Variants in USP12 observed in about 807,000 individuals in gnomAD.
USP12 encodes ubiquitin specific peptidase 12.
Under a neutral mutation model 45.5 loss-of-function variants are expected in USP12, and 19 were observed. The ratio of observed to expected loss-of-function variants is 0.42; its 90% CI spans 0.29 to 0.61. USP12 has a LOEUF of 0.61. Ranked by LOEUF, USP12 falls within the 20% of genes least tolerant of loss-of-function variation. The probability of loss-of-function intolerance (pLI) is 0.22; values close to 1 mark genes in which losing one functional copy is unlikely to be tolerated. For synonymous variants in USP12, 149 were observed against 148.8 expected (o/e 1.00, Z -0.01); for missense variants, 242 against 447.7 (o/e 0.54, Z 4.15).
Position 27,114,126 on chromosome 13 carries a change from C to T in USP12, c.129+2390G>A, listed in dbSNP as rs370619436. ...GGAAAAGCATATTTCACAGTACCCT[C>T]ACAAATGGACTTACTGAGGCCAGGC... On this transcript the variant is annotated intron_variant, in intron 2 of 8. Transcript: ENST00000282344. 2.0e-5 allele frequency among the ~76,000 whole-genome samples: 3 copies of T among 152,072 alleles called. No individual in the cohort carries two copies. The South Asian group carries it at 6.2e-4, about 32-fold the overall frequency.
chr13:27,135,885 A>T (rs1038408832), intron 1 of USP12, among the ~76,000 whole-genome samples: 1 of 152,194 alleles, frequency 6.6e-6, no homozygotes, highest in African/African-American at 2.4e-5. Flanking sequence ...TTCCAAGTTG[A>T]AGTTTAAAAT....
intron 1 of USP12, among the ~76,000 whole-genome samples, chr13:27,168,713 A>C (rs1020451535): frequency 6.6e-6 from 1 of 152,238 alleles, no homozygotes; most frequent in African/African-American, 2.4e-5. Context: ...GGTTCAGGCT[A>C]TAATACTAAC....
At chr13:27,091,180 T>A (rs1175283459) in intron 4 of USP12, among the ~76,000 whole-genome samples, 1 of 152,158 alleles carries the variant, frequency 6.6e-6, no homozygotes, top group Non-Finnish European at 1.5e-5. Flanking sequence ...GAGGACATGA[T>A]ATGTTTAAGG....
chr13:27,136,475 G>A (rs1387062736), intron 1 of USP12, among the ~76,000 whole-genome samples: 2 of 152,154 alleles, frequency 1.3e-5, no homozygotes, highest in African/African-American at 4.8e-5. Context: ...TCCAGTCTGG[G>A]CAACAAGAAT....
chr13:27,119,796 T>C (rs998684227), intron 1 of USP12, among the ~76,000 whole-genome samples: 2 of 152,138 alleles, frequency 1.3e-5, no homozygotes, highest in Non-Finnish European at 2.9e-5. Context: ...AAATGAGAAG[T>C]ACAAAGAAAG....
chr13:27,145,947 T>G (rs2137825882), intron 1 of USP12, among the ~76,000 whole-genome samples: 1 of 152,294 alleles, frequency 6.6e-6, no homozygotes, highest in Admixed American at 6.5e-5. Flanking sequence ...AAAATCATGT[T>G]TGCCATAAAC....
intron 1 of USP12, among the ~76,000 whole-genome samples, chr13:27,165,390 T>C (rs1878305767): frequency 6.6e-6 from 1 of 152,194 alleles, no homozygotes; most frequent in Non-Finnish European, 1.5e-5. Flanking sequence ...GAACTGACAA[T>C]TGTATTTCAC....
At chr13:27,125,094 T>A (rs926047693) in intron 1 of USP12, among the ~76,000 whole-genome samples, 6 of 152,178 alleles carry the variant, frequency 3.9e-5, no homozygotes, top group African/African-American at 1.4e-4. Flanking sequence ...ACCATCTTCT[T>A]TTTCAGTAAA....
chr13:27,161,652 C>G (rs1246462784), intron 1 of USP12, among the ~76,000 whole-genome samples: 1 of 152,078 alleles, frequency 6.6e-6, no homozygotes, highest in East Asian at 1.9e-4. Flanking sequence ...GGGAGGCCAG[C>G]TACATCACTT....
At chr13:27,140,138 T>C (rs1351247898) in intron 1 of USP12, among the ~76,000 whole-genome samples, 1 of 149,870 alleles carries the variant, frequency 6.7e-6, no homozygotes, top group Non-Finnish European at 1.5e-5. Flanking sequence ...CCAAAATAGT[T>C]TTTTTTCCCT....
chr13:27,073,786 T>C (rs936480917), intron 7 of USP12, among the ~76,000 whole-genome samples: 11 of 152,166 alleles, frequency 7.2e-5, no homozygotes, highest in Non-Finnish European at 1.6e-4. Flanking sequence ...ATGTGGTAAT[T>C]AGTATTATTT....
intron 1 of USP12, among the ~76,000 whole-genome samples, chr13:27,165,920 C>CAAA (rs1318205816): frequency 1.3e-5 from 2 of 149,478 alleles, no homozygotes; most frequent in Non-Finnish European, 3.0e-5. Flanking sequence ...GGCTACAGAG[C>CAAA]AAAAAAAATA....
intron 8 of USP12, 106 bp downstream of exon 8, chr13:27,070,965 G>T: frequency 1.1e-6 from 1 of 905,378 alleles, no homozygotes; most frequent in Non-Finnish European, 1.7e-6. Context: ...CCAGACATTT[G>T]TCTCATATCA....
intron 1 of USP12, among the ~76,000 whole-genome samples, chr13:27,167,748 T>C (rs1402168397): frequency 1.3e-5 from 2 of 152,042 alleles, no homozygotes; most frequent in African/African-American, 2.4e-5. Flanking sequence ...AAAAGAAATT[T>C]CATTATTTAA....
intron 1 of USP12, among the ~76,000 whole-genome samples, chr13:27,119,339 C>T (rs1178017654): frequency 2.6e-5 from 4 of 152,192 alleles, no homozygotes; most frequent in Non-Finnish European, 1.5e-5. Flanking sequence ...CTCCCCCACA[C>T]GGCCTAACAA....
In USP12 at chr13:27,105,719, A is replaced by C; in HGVS notation, c.343+12T>G. On this transcript the variant is annotated intron_variant, in intron 3 of 8. Coordinates refer to ENST00000282344, the MANE Select transcript of USP12 (RefSeq NM_182488.4). Reference sequence around the variant, plus strand: ...CCTAGTATGTCATTAATACAGTGGGAAGTAGAATTACCATTTTCTTTCCGT... The same window carrying C: ...CCTAGTATGTCATTAATACAGTGGGCAGTAGAATTACCATTTTCTTTCCGT... 6.2e-7 allele frequency: 1 copy of C among 1,610,144 alleles called. No homozygotes were observed. Among genetic ancestry groups the C allele is most frequent in the Non-Finnish European group, 8.5e-7 (1 of 1,177,038 alleles).
intron 1 of USP12, among the ~76,000 whole-genome samples, chr13:27,120,718 A>AT (rs1371356020): frequency 6.6e-6 from 1 of 152,052 alleles, no homozygotes; most frequent in African/African-American, 2.4e-5. Context: ...GGAAGAAGAC[A>AT]TTTTTTTCTG....
rs2137746102 is a variant in USP12, at chr13:27,066,541, C to T, written c.*2742G>A. 6.6e-6 allele frequency: 1 copy of T among 152,238 alleles called. No homozygotes were observed. Among genetic ancestry groups the T allele is most frequent in the Admixed American group, 6.5e-5 (1 of 15,276 alleles). The allele number at this position is 152,238 out of a possible 1,614,324, so 9.4% of individuals were successfully genotyped here. ...ACTGATGGTTAGAGGCCCCAAGACC[C>T]ACATAATACAACATTTCCCTCTTTC... On this transcript the variant is annotated 3_prime_UTR_variant, in exon 9 of 9. Coordinates refer to ENST00000282344, the MANE Select transcript of USP12 (RefSeq NM_182488.4).
intron 1 of USP12, among the ~76,000 whole-genome samples, chr13:27,121,809 C>T (rs1426844019): frequency 2.0e-5 from 3 of 151,390 alleles, no homozygotes; most frequent in Non-Finnish European, 4.4e-5. Context: ...TGCAGTGAGC[C>T]GAGATCATGC....
Sources: allele counts gnomAD v4.1 joint callset (sites outside exome capture counted in the v4.1 genomes callset), GRCh38; gene constraint gnomAD v4.1.1; transcripts MANE v1.5; gene names NCBI Gene and HGNC (gene_info 2026-07-23, HGNC 2026-07-21).